FSTL4: variants seen among roughly 807,000 people sequenced by gnomAD.
The protein encoded by FSTL4 is follistatin like 4.
FSTL4 carries 28 observed loss-of-function variants against 78.2 expected under a neutral mutation model. That is an observed-to-expected ratio of 0.36 (90% CI 0.27 to 0.49). The LOEUF is 0.49. Ranked by LOEUF, FSTL4 falls within the 20% of genes least tolerant of loss-of-function variation. The probability of loss-of-function intolerance (pLI) is 0.98; values close to 1 mark genes in which losing one functional copy is unlikely to be tolerated. For missense variants in FSTL4, 922 were observed against 1,084.9 expected (o/e 0.85, Z 2.11); for synonymous variants, 422 against 440.5 (o/e 0.96, Z 0.53).
rs1004154351 is a variant in FSTL4, at chr5:133,507,834, A to T, written c.160+59352T>A. ...CTGCGCCTGGCTGAAAGCATTAAAA[A>T]AATAATAATAATAAAATAAAATAAA... is the stretch of plus-strand genomic sequence containing the variant. On this transcript the variant is annotated intron_variant, in intron 3 of 15. Transcript: ENST00000265342. Among the ~76,000 whole-genome samples the T allele has an allele frequency of 5.3e-5, 8 of 151,628 alleles. No homozygotes were observed. The Middle Eastern group carries it at 0.01, about 193-fold the overall frequency.
the FSTL4 span, among the ~76,000 whole-genome samples, chr5:133,626,984 T>G: frequency 6.6e-6 from 1 of 152,126 alleles, no homozygotes; most frequent in South Asian, 2.1e-4. Context: ...AGAGCAGGTA[T>G]TGAAGTCTCC....
intron 4 of FSTL4, among the ~76,000 whole-genome samples, chr5:133,363,465 C>G (rs1185070823): frequency 6.6e-6 from 1 of 152,144 alleles, no homozygotes; most frequent in Non-Finnish European, 1.5e-5. Flanking sequence ...CGCCTTCCCC[C>G]AAGCTTGGTC....
chr5:133,237,828 T>G (rs1041881952), intron 7 of FSTL4, among the ~76,000 whole-genome samples: 1 of 150,542 alleles, frequency 6.6e-6, no homozygotes, highest in Non-Finnish European at 1.5e-5. Flanking sequence ...TGATTGCATC[T>G]CTGTACTTGT....
At chr5:133,773,928 G>A in the FSTL4 span, among the ~76,000 whole-genome samples, 1 of 152,146 alleles carries the variant, frequency 6.6e-6, no homozygotes, top group South Asian at 2.1e-4. Context: ...GTAGCATTAC[G>A]ATTAAAATTA....
At position 133,527,472 on chromosome 5, in the gene FSTL4, TAC is replaced by T. The variant is rs3065527; in HGVS notation, c.160+39712_160+39713del. 7.7e-3 allele frequency among the ~76,000 whole-genome samples: 699 copies of T among 90,286 alleles called. 2 individuals are homozygous for T. The highest frequency in any genetic ancestry group is 8.8e-3 in the African/African-American group (249 of 28,172). 59.2% of individuals were successfully genotyped at this position (90,286 alleles called of 152,430 possible). ...TCTTTTGCTCTGAGATGTGCACGTG[TAC>T]ACACACACACACACACACACACACA... is the stretch of plus-strand genomic sequence containing the variant. On this transcript the variant is annotated intron_variant, in intron 3 of 15. Coordinates refer to ENST00000265342, the MANE Select transcript of FSTL4 (RefSeq NM_015082.2).
intron 3 of FSTL4, among the ~76,000 whole-genome samples, chr5:133,488,849 CT>C (rs1758198216): frequency 6.6e-6 from 1 of 152,134 alleles, no homozygotes; most frequent in African/African-American, 2.4e-5. Context: ...CCCCTCACCC[CT>C]CCCACTGCCT....
intron 3 of FSTL4, among the ~76,000 whole-genome samples, chr5:133,405,403 G>A (rs765880591): frequency 4.6e-5 from 7 of 152,230 alleles, no homozygotes; most frequent in African/African-American, 9.7e-5. Flanking sequence ...TCCACCTTCT[G>A]CAGACAGAGG....
intron 3 of FSTL4, among the ~76,000 whole-genome samples, chr5:133,448,191 T>C (rs748231042): frequency 1.3e-5 from 2 of 152,218 alleles, no homozygotes; most frequent in African/African-American, 4.8e-5. Flanking sequence ...TGAAACCATA[T>C]GCTGCTTCCC....
the FSTL4 span, among the ~76,000 whole-genome samples, chr5:133,839,438 G>A: frequency 7.2e-5 from 11 of 152,292 alleles, no homozygotes; most frequent in African/African-American, 2.4e-4. Flanking sequence ...GATTCATAAT[G>A]CATATTAGCG....
chr5:133,265,586 G>C (rs1024786753), intron 6 of FSTL4, among the ~76,000 whole-genome samples: 2 of 152,198 alleles, frequency 1.3e-5, no homozygotes, highest in African/African-American at 4.8e-5. Flanking sequence ...ACAAAGGTAG[G>C]GGTGAAACTA....
chr5:133,546,569 G>A (rs957604450), intron 3 of FSTL4, among the ~76,000 whole-genome samples: 1 of 149,760 alleles, frequency 6.7e-6, no homozygotes, highest in African/African-American at 2.5e-5. Flanking sequence ...AACCAAAGAT[G>A]TGGTCCAGCA....
At chr5:133,497,176 G>C (rs1758383271) in intron 3 of FSTL4, among the ~76,000 whole-genome samples, 1 of 152,238 alleles carries the variant, frequency 6.6e-6, no homozygotes, top group South Asian at 2.1e-4. Flanking sequence ...CATTAGCTGA[G>C]ACCCCCACTT....
the FSTL4 span, among the ~76,000 whole-genome samples, chr5:133,831,417 C>T: frequency 6.6e-6 from 1 of 152,122 alleles, no homozygotes; most frequent in African/African-American, 2.4e-5. Flanking sequence ...AGCTCATCCC[C>T]ACCCGAGAAC....
At chr5:133,536,367 C>T (rs1759350153) in intron 3 of FSTL4, among the ~76,000 whole-genome samples, 1 of 152,152 alleles carries the variant, frequency 6.6e-6, no homozygotes, top group South Asian at 2.1e-4. Flanking sequence ...CCTCCCTTAA[C>T]AGCATATTGT....
chr5:133,799,568 C>CT, the FSTL4 span, among the ~76,000 whole-genome samples: 1 of 138,428 alleles, frequency 7.2e-6, no homozygotes, highest in African/African-American at 2.6e-5. Context: ...CCCTGGGAGC[C>CT]CACTCAGACT....
the FSTL4 span, among the ~76,000 whole-genome samples, chr5:133,841,458 C>G: frequency 2.6e-5 from 4 of 152,216 alleles, no homozygotes; most frequent in African/African-American, 9.6e-5. Flanking sequence ...GGAGGTTCCT[C>G]TGAGAATACA....
chr5:133,279,172 C>T (rs1246684919), intron 6 of FSTL4, among the ~76,000 whole-genome samples: 2 of 152,176 alleles, frequency 1.3e-5, no homozygotes, highest in Non-Finnish European at 2.9e-5. Flanking sequence ...AATCTCTAGG[C>T]CGTGGATGGT....
intron 3 of FSTL4, among the ~76,000 whole-genome samples, chr5:133,483,261 T>C (rs1380181022): frequency 6.6e-6 from 1 of 152,240 alleles, no homozygotes; most frequent in Non-Finnish European, 1.5e-5. Flanking sequence ...AATCTCTTTT[T>C]CTTTGTAAAT....
chr5:133,728,991 C>T, the FSTL4 span, among the ~76,000 whole-genome samples: 1 of 152,050 alleles, frequency 6.6e-6, no homozygotes, highest in African/African-American at 2.4e-5. Context: ...CAGGCCATGA[C>T]CTTGGGGAAC....
Sources: allele counts gnomAD v4.1 joint callset (sites outside exome capture counted in the v4.1 genomes callset), GRCh38; gene constraint gnomAD v4.1.1; transcripts MANE v1.5; gene names NCBI Gene and HGNC (gene_info 2026-07-23, HGNC 2026-07-21).